The following CD302 variants were observed in gnomAD, a reference collection of about 807,000 sequenced individuals.
CD302 encodes the protein CD302 antigen.
In CD302, 23 loss-of-function variants were observed where a neutral mutation model predicts 26.5. That is an observed-to-expected ratio of 0.87 (90% CI 0.62 to 1.23). CD302 has a LOEUF of 1.23. CD302 is among the 50% of genes most tolerant of loss of function. CD302 has a pLI of 0.00. For missense variants in CD302, 290 were observed against 275.5 expected, an observed-to-expected ratio of 1.05 and a Z score of -0.37; for synonymous variants, 90 against 99.4, an observed-to-expected ratio of 0.91 and a Z score of 0.56.
intron 1 of CD302, among the ~76,000 whole-genome samples, chr2:159,796,766 T>C (rs1293590133): frequency 6.6e-6 from 1 of 152,214 alleles, no homozygotes; most frequent in Non-Finnish European, 1.5e-5. Context: ...ACAGCTTCAC[T>C]GAAGAAGAGA....
At chr2:159,773,600 C>G (rs866939819) in intron 5 of CD302, among the ~76,000 whole-genome samples, 3 of 152,180 alleles carry the variant, frequency 2.0e-5, no homozygotes, top group Non-Finnish European at 2.9e-5. Context: ...AGTATATATG[C>G]TGCTTTTCAC....
At chr2:159,787,176 G>A (rs189321414) in intron 1 of CD302, among the ~76,000 whole-genome samples, 1 of 152,258 alleles carries the variant, frequency 6.6e-6, no homozygotes, top group Admixed American at 6.5e-5. Context: ...TGGGGCCATC[G>A]AGTATGCATG....
chr2:159,787,131 T>A (rs1396656057), intron 1 of CD302, among the ~76,000 whole-genome samples: 1 of 152,258 alleles, frequency 6.6e-6, no homozygotes, highest in Non-Finnish European at 1.5e-5. Context: ...ATTCTATGCA[T>A]ACTTCTTGTG....
chr2:159,783,199 A>G (rs1204167817), intron 2 of CD302, among the ~76,000 whole-genome samples, 160 bp downstream of exon 2: 2 of 152,222 alleles, frequency 1.3e-5, no homozygotes, highest in African/African-American at 2.4e-5. Flanking sequence ...TATATACCCA[A>G]TTCCACTGCC....
intron 1 of CD302, among the ~76,000 whole-genome samples, chr2:159,793,416 GTCTC>G (rs1708860937): frequency 6.6e-6 from 1 of 151,046 alleles, no homozygotes. Context: ...TAAGTTCTCT[GTCTC>G]TCTTTTTTTT....
intron 1 of CD302, among the ~76,000 whole-genome samples, chr2:159,784,090 T>C (rs897356998): frequency 6.6e-6 from 1 of 152,188 alleles, no homozygotes; most frequent in African/African-American, 2.4e-5. Flanking sequence ...TTCACCTCTA[T>C]CTTAGTCTCT....
intron 1 of CD302, among the ~76,000 whole-genome samples, chr2:159,792,848 G>T (rs1296157379): frequency 6.6e-6 from 1 of 152,132 alleles, no homozygotes; most frequent in Non-Finnish European, 1.5e-5. Flanking sequence ...AGCATTAGCA[G>T]TAACTCCAGT....
At chr2:159,780,392 C>T (rs1708471408) in intron 3 of CD302, among the ~76,000 whole-genome samples, 1 of 151,728 alleles carries the variant, frequency 6.6e-6, no homozygotes, top group Non-Finnish European at 1.5e-5. Context: ...CCAATTTTCG[C>T]AAAAATATAT....
At chr2:159,775,265 TACAC>T (rs950999570) in intron 5 of CD302, among the ~76,000 whole-genome samples, 4 of 152,224 alleles carry the variant, frequency 2.6e-5, no homozygotes, top group African/African-American at 7.2e-5. Context: ...CTAAATTACA[TACAC>T]ATATTTAATA....
At position 159,770,451 on chromosome 2, in the gene CD302, TAA is replaced by T. The variant is rs996534701; in HGVS notation, c.*1398_*1399del. 6.6e-6 allele frequency: 1 copy of T among 152,166 alleles called. No individual in the cohort carries two copies. The highest frequency in any genetic ancestry group is 1.9e-4 in the East Asian group (1 of 5,186). The allele number at this position is 152,166 out of a possible 1,614,324, so 9.4% of individuals were successfully genotyped here. ...GAGTGTTTTCGATTCATGTGGTCAA[TAA>T]AAAGAGACTACACAAGCTGGAACTT... is the stretch of plus-strand genomic sequence containing the variant. On this transcript the variant is annotated 3_prime_UTR_variant, in exon 6 of 6. Transcript: ENST00000259053.
In CD302 at chr2:159,777,929, A is replaced by G. The variant is rs778223087; in HGVS notation, c.496+9T>C. 4.9e-6 allele frequency: 5 copies of G among 1,023,570 alleles called. No individual in the cohort carries two copies. The highest frequency in any genetic ancestry group is 7.0e-6 in the Non-Finnish European group (5 of 714,528). The allele number at this position is 1,023,570 out of a possible 1,614,324, so 63.4% of individuals were successfully genotyped here. ...GTGGGAAAAATTTAAAGACCAAATC[A>G]TTACTTACCTGATAAATATTTCCTT... On this transcript the variant is annotated intron_variant, in intron 5 of 5. Coordinates refer to ENST00000259053, the MANE Select transcript of CD302 (RefSeq NM_014880.5).
chr2:159,771,937 A>C lies in CD302; in HGVS notation c.613T>G (p.Phe205Val). The change falls in exon 6 of 6, where the codon TTT becomes GTT. Residue 205 changes from phenylalanine (F) to valine (V), a missense_variant. Phe to Val is a conservative substitution (Grantham distance 50). Coordinates refer to ENST00000259053, the MANE Select transcript of CD302 (RefSeq NM_014880.5). ...KHSDSRFTTV[F>V]STAPQSPYNE... ...TAAGGTGATTGGGGTGCGGTTGAAA[A>C]AACTGTGGTGAAACGAGAATCAGAA... 1 of 1,614,028 alleles carries C rather than the reference A, an allele frequency of 6.2e-7. No individual in the cohort carries two copies. Among genetic ancestry groups the C allele is most frequent in the Non-Finnish European group, 8.5e-7 (1 of 1,179,944 alleles).
In CD302 at chr2:159,771,444, A is replaced by AAAT. The variant is rs1316560201; in HGVS notation, c.*404_*406dup. The AAAT allele has an allele frequency of 2.6e-5, 4 of 154,460 alleles. No homozygotes were observed. The highest frequency in any genetic ancestry group is 9.6e-5 in the African/African-American group (4 of 41,478). The allele number at this position is 154,460 out of a possible 1,614,324, so 9.6% of individuals were successfully genotyped here. On this transcript the variant is annotated 3_prime_UTR_variant, in exon 6 of 6. Transcript: ENST00000259053. Reference sequence around the variant, plus strand: ...AAAATAACAATTATCAAAGATATTTAAATGTATGGGATGTACTTAAAATCA... The same window carrying AAAT: ...AAAATAACAATTATCAAAGATATTTAAATAATGTATGGGATGTACTTAAAATCA...
intron 1 of CD302, among the ~76,000 whole-genome samples, chr2:159,790,850 A>G (rs1313122105): frequency 6.6e-6 from 1 of 152,236 alleles, no homozygotes; most frequent in Non-Finnish European, 1.5e-5. Context: ...TCGACAATAT[A>G]TAAAAATGAA....
intron 4 of CD302, 109 bp downstream of exon 4, chr2:159,779,896 C>T (rs1313479402): frequency 1.5e-6 from 2 of 1,342,858 alleles, no homozygotes; most frequent in Admixed American, 5.0e-5. Context: ...AGCCACTGTG[C>T]CTAGCCTTAT....
At position 159,772,006 on chromosome 2, in the gene CD302, A is replaced by G. The variant is rs373864365; in HGVS notation, c.544T>C (p.Leu182=). The change falls in exon 6 of 6, where the codon TTG becomes CTG. Residue 182 remains leucine, a synonymous_variant. Coordinates refer to ENST00000259053, the MANE Select transcript of CD302 (RefSeq NM_014880.5). ...CAAATGATTGCTCCCAAAACTGTCA[A>G]AATTACCGTGCTAGCAATCACCAAT... ...SALVIASTVI[L]TVLGAIIWFL... 10 of 1,614,042 alleles carry G rather than the reference A, an allele frequency of 6.2e-6. No homozygotes were observed. Among genetic ancestry groups the G allele is most frequent in the Admixed American group, 1.7e-5 (1 of 60,024 alleles).
intron 1 of CD302, among the ~76,000 whole-genome samples, chr2:159,797,794 C>T (rs1279455066): frequency 6.6e-6 from 1 of 152,208 alleles, no homozygotes; most frequent in Non-Finnish European, 1.5e-5. Flanking sequence ...CCTGAAACGG[C>T]GCCCGTCGTG....
intron 1 of CD302, among the ~76,000 whole-genome samples, chr2:159,787,749 T>C (rs1708705131): frequency 6.6e-6 from 1 of 152,218 alleles, no homozygotes; most frequent in Admixed American, 6.5e-5. Context: ...AATTTTCCAT[T>C]TGCCTAAAGA....
chr2:159,776,012 CTTTTT>C (rs71406197), intron 5 of CD302, among the ~76,000 whole-genome samples: 1 of 81,266 alleles, frequency 1.2e-5, no homozygotes, highest in African/African-American at 4.3e-5. Flanking sequence ...CGGGTTTCAA[CTTTTT>C]TTTTTTTTTT....
Sources: allele counts gnomAD v4.1 joint callset (sites outside exome capture counted in the v4.1 genomes callset), GRCh38; gene constraint gnomAD v4.1.1; transcripts MANE v1.5; gene names NCBI Gene and HGNC (gene_info 2026-07-23, HGNC 2026-07-21).